CPS1: variants seen among roughly 807,000 people sequenced by gnomAD.
The protein encoded by CPS1 is carbamoyl-phosphate synthase 1.
CPS1 carries 109 observed loss-of-function variants against 174.6 expected under a neutral mutation model. The observed-to-expected ratio is 0.62, with a 90% CI of 0.53 to 0.73. The LOEUF (loss-of-function observed/expected upper bound fraction) is 0.73. CPS1 is among the 30% of genes least tolerant of loss of function. The probability of loss-of-function intolerance (pLI) is 0.00; values close to 1 mark genes in which losing one functional copy is unlikely to be tolerated. For synonymous variants in CPS1, 637 were observed against 632.0 expected (o/e 1.01, Z -0.12); for missense variants, 1,689 against 1,821.9 (o/e 0.93, Z 1.33).
chr2:210,505,772 C>T (rs6712000), intron 1 of CPS1, among the ~76,000 whole-genome samples: 61,840 of 152,102 alleles, frequency 0.41, 14,198 homozygotes, highest in Non-Finnish European at 0.53. Context: ...GTCCTATGCC[C>T]ACGGAGACTT....
intron 21 of CPS1, among the ~76,000 whole-genome samples, chr2:210,622,798 G>GA (rs566500113): frequency 4.1e-5 from 6 of 146,610 alleles, no homozygotes; most frequent in African/African-American, 7.5e-5. Flanking sequence ...GAACAGGCAA[G>GA]AAAAAAAAAG....
intron 6 of CPS1, 104 bp from the exon 7 acceptor site, chr2:210,587,954 C>T (rs1698163146): frequency 2.0e-6 from 2 of 1,002,172 alleles, no homozygotes; most frequent in Non-Finnish European, 3.2e-6. Context: ...AACAATCAAT[C>T]TGTTACCAAT....
At chr2:210,630,224 T>C (rs1365036336) in intron 21 of CPS1, among the ~76,000 whole-genome samples, 2 of 152,206 alleles carry the variant, frequency 1.3e-5, no homozygotes, top group Non-Finnish European at 2.9e-5. Context: ...TGACATTATA[T>C]TCAATACTAA....
At chr2:210,623,183 T>C (rs1185869328) in intron 21 of CPS1, among the ~76,000 whole-genome samples, 1 of 152,152 alleles carries the variant, frequency 6.6e-6, no homozygotes, top group Non-Finnish European at 1.5e-5. Flanking sequence ...CTCTTGTTTT[T>C]ATGTACAATG....
At chr2:210,592,818 A>G (rs1574564268) in intron 10 of CPS1, 61 bp from the exon 11 acceptor site, 1 of 1,482,746 alleles carries the variant, frequency 6.7e-7, no homozygotes, top group East Asian at 2.3e-5. Context: ...TGAATAATAC[A>G]TAGCCACACT....
intron 1 of CPS1, among the ~76,000 whole-genome samples, chr2:210,509,329 AGC>A (rs1695384650): frequency 6.6e-6 from 1 of 152,282 alleles, no homozygotes; most frequent in Non-Finnish European, 1.5e-5. Flanking sequence ...AAAATTCAAC[AGC>A]ACTTCATGCT....
chr2:210,661,903 C>CTTTT lies in CPS1; in HGVS notation c.3928-1203_3928-1200dup, dbSNP rs397987631. 2.1e-4 allele frequency among the ~76,000 whole-genome samples: 22 copies of CTTTT among 106,650 alleles called. 1 individual carries two copies. Among genetic ancestry groups the CTTTT allele is most frequent in the African/African-American group, 3.0e-4 (8 of 26,860 alleles). The allele number at this position is 106,650 out of a possible 152,430, so 70.0% of individuals were successfully genotyped here. A position where few individuals can be genotyped will look rare whatever the true frequency, so the allele number is the denominator to read the frequency against. Reference sequence around the variant, plus strand: ...AAAATAATATTGATGGATAGATATGCTTTTTTTTTTTTTTTTTTTTGAGAC... The same window carrying CTTTT: ...AAAATAATATTGATGGATAGATATGCTTTTTTTTTTTTTTTTTTTTTTTTGAGAC... On this transcript the variant is annotated intron_variant, in intron 32 of 37. Transcript: ENST00000233072.
At position 210,616,432 on chromosome 2, in the gene CPS1, G is replaced by A; in HGVS notation, c.2578G>A (p.Asp860Asn). The A allele has an allele frequency of 6.2e-7, 1 of 1,609,718 alleles. No individual in the cohort carries two copies. Among genetic ancestry groups the A allele is most frequent in the Non-Finnish European group, 8.5e-7 (1 of 1,176,488 alleles). ...RIYAIAKAID[D>N]NMSLDEIEKL... ...CTTCTCCTCTTGGCAGGCCATTGATGACAACATGTCCCTTGATGAGATTGA... is the reference window on the plus strand; with the variant it reads ...CTTCTCCTCTTGGCAGGCCATTGATAACAACATGTCCCTTGATGAGATTGA... The change falls in exon 21 of 38, where the codon GAC becomes AAC. Residue 860 changes from aspartate (D) to asparagine (N), a missense_variant. Physicochemically the swap from Asp to Asn is conservative, Grantham distance 23 (BLOSUM62 1). Coordinates refer to ENST00000233072, the MANE Select transcript of CPS1 (RefSeq NM_001875.5).
intron 16 of CPS1, among the ~76,000 whole-genome samples, chr2:210,604,551 A>G (rs1698840225): frequency 6.6e-6 from 1 of 151,962 alleles, no homozygotes; most frequent in South Asian, 2.1e-4. Context: ...GTGATTAACC[A>G]TAATAATAGT....
chr2:210,567,577 C>T (rs752512980), intron 1 of CPS1, among the ~76,000 whole-genome samples: 3 of 152,060 alleles, frequency 2.0e-5, no homozygotes, highest in Non-Finnish European at 2.9e-5. Flanking sequence ...TTATTCTTTT[C>T]CCTAGTGATG....
intron 1 of CPS1, among the ~76,000 whole-genome samples, chr2:210,484,751 T>C (rs1187142241): frequency 4.6e-5 from 7 of 152,140 alleles, no homozygotes; most frequent in African/African-American, 9.7e-5. Context: ...TGCATTTCTT[T>C]CCTGCTATAA....
intron 10 of CPS1, among the ~76,000 whole-genome samples, chr2:210,592,611 A>G (rs934199940): frequency 4.0e-5 from 6 of 151,868 alleles, no homozygotes; most frequent in Non-Finnish European, 7.4e-5. Context: ...CTATAGACCA[A>G]ATTTTTTATT....
intron 1 of CPS1, among the ~76,000 whole-genome samples, chr2:210,571,293 A>T (rs1697471446): frequency 6.6e-6 from 1 of 151,970 alleles, no homozygotes; most frequent in African/African-American, 2.4e-5. Context: ...TAACTCAAAG[A>T]TAATTTGATA....
At chr2:210,587,972 C>A in intron 6 of CPS1, 86 bp from the exon 7 acceptor site, 1 of 1,175,128 alleles carries the variant, frequency 8.5e-7, no homozygotes, top group Non-Finnish European at 1.3e-6. Context: ...AATCTAAGTT[C>A]AAAACATTGT....
At chr2:210,546,529 A>C (rs1402622700) in intron 1 of CPS1, among the ~76,000 whole-genome samples, 1 of 152,148 alleles carries the variant, frequency 6.6e-6, no homozygotes, top group Non-Finnish European at 1.5e-5. Flanking sequence ...TCATTAAAAG[A>C]GTATGATTTC....
At chr2:210,513,188 C>A (rs1189394015) in intron 1 of CPS1, among the ~76,000 whole-genome samples, 1 of 148,202 alleles carries the variant, frequency 6.7e-6, no homozygotes, top group African/African-American at 2.5e-5. Flanking sequence ...ATATATCTCT[C>A]TCTCTCCATA....
At chr2:210,629,907 A>G (rs1699813510) in intron 21 of CPS1, among the ~76,000 whole-genome samples, 1 of 150,642 alleles carries the variant, frequency 6.6e-6, no homozygotes, top group Admixed American at 6.6e-5. Context: ...AAAAAAAATT[A>G]AATTAAAAAA....
chr2:210,497,377 TTTTA>T (rs1388891481), intron 1 of CPS1, among the ~76,000 whole-genome samples: 1 of 152,104 alleles, frequency 6.6e-6, no homozygotes, highest in African/African-American at 2.4e-5. Flanking sequence ...TATACTTTAT[TTTTA>T]TTTAATTTTT....
intron 21 of CPS1, chr2:210,619,184 A>C (rs990486193): frequency 6.6e-6 from 1 of 152,086 alleles, no homozygotes. Flanking sequence ...AAAATATAGA[A>C]TGCTAGACGT....
Sources: allele counts gnomAD v4.1 joint callset (sites outside exome capture counted in the v4.1 genomes callset), GRCh38; gene constraint gnomAD v4.1.1; transcripts MANE v1.5; gene names NCBI Gene and HGNC (gene_info 2026-07-23, HGNC 2026-07-21).